Variants in PLEC observed in about 807,000 individuals in gnomAD.
PLEC encodes hemidesmosomal protein 1.
PLEC carries 216 observed loss-of-function variants against 392.8 expected under a neutral mutation model. The ratio of observed to expected loss-of-function variants is 0.55; its 90% confidence interval spans 0.49 to 0.62. The LOEUF (loss-of-function observed/expected upper bound fraction) is 0.62, where lower values mean the gene tolerates loss of function less well. Ranked by LOEUF, PLEC falls within the 20% of genes least tolerant of loss-of-function variation. The pLI, the probability that PLEC is intolerant of heterozygous loss-of-function variation, is 0.00. For missense variants in PLEC, 6,863 were observed against 6,563.4 expected (o/e 1.05, Z -1.58); for synonymous variants, 3,621 against 2,980.6 (o/e 1.21, Z -7.00).
At chr8:143,942,748 G>C (rs541470067), upstream of PLEC, among the ~76,000 whole-genome samples, 21 of 152,376 alleles carry the variant, frequency 1.4e-4, no homozygotes, top group African/African-American at 4.6e-4. Flanking sequence ...CCCACGGGCC[G>C]GGCTGGGAGG....
In PLEC at chr8:143,932,688, C is replaced by G. The variant is rs782357722; in HGVS notation, c.1762G>C (p.Gly588Arg). 2.4e-5 allele frequency: 39 copies of G among 1,608,770 alleles called. No homozygotes were observed. Among genetic ancestry groups the G allele is most frequent in the Non-Finnish European group, 3.0e-5 (35 of 1,178,332 alleles). The change falls in exon 15 of 32, where the codon GGT becomes CGT. Residue 588 changes from glycine (G) to arginine (R), a missense_variant. Coordinates refer to ENST00000345136, the MANE Select transcript of PLEC (RefSeq NM_201384.3). ...DEGQLSPATR[G>R]AYRDCLGRLD... ...CGACCCAGGCAGTCACGGTAGGCAC[C>G]CCGGGTGGCGGGGGAGAGCTGGCCC...
chr8:143,917,047 G>C lies in PLEC; in HGVS notation c.12774C>G (p.Ile4258Met). ...SSVGSSSSYP[I>M]SPAVSRTQLA... ...GCTGGGTCCTGGAGACGGCGGGGCT[G>C]ATGGGGTAGGAGGAGGAGGATCCCA... Residue 4258 changes from isoleucine (I) to methionine (M), a missense_variant, in exon 32 of 32, where the codon ATC becomes ATG. By Grantham distance (10) the Ile-to-Met change is conservative (BLOSUM62 1). Coordinates refer to ENST00000345136, the MANE Select transcript of PLEC (RefSeq NM_201384.3). 1 of 1,609,928 alleles carries C rather than the reference G, an allele frequency of 6.2e-7. No individual in the cohort carries two copies. Among genetic ancestry groups the C allele is most frequent in the Non-Finnish European group, 8.5e-7 (1 of 1,177,492 alleles).
At chr8:143,933,947 C>A (rs1554719797) in intron 12 of PLEC, 51 bp downstream of exon 12, 1 of 1,501,070 alleles carries the variant, frequency 6.7e-7, no homozygotes, top group South Asian at 1.2e-5. Flanking sequence ...CAGGGCGGGG[C>A]AGGCTCCTCC....
Position 143,934,411 on chromosome 8 carries a change from G to C in PLEC, c.1076C>G (p.Pro359Arg), listed in dbSNP as rs1042165847. ...CTCCACATCCAGCGGGTGGTAGCCA[G>C]GGGGCACCTTGAGCTGGCCTGCTTG... Reference protein sequence around the residue: ...AVQAGQLKVPPGYHPLDVEKE... With the variant: ...AVQAGQLKVPRGYHPLDVEKE... Residue 359 changes from proline (P) to arginine (R), a missense_variant, in exon 11 of 32, where the codon CCT becomes CGT. Pro to Arg is a moderately radical substitution (Grantham distance 103). Coordinates refer to ENST00000345136, the MANE Select transcript of PLEC (RefSeq NM_201384.3). 6.2e-7 allele frequency: 1 copy of C among 1,610,636 alleles called. No individual in the cohort carries two copies. Among genetic ancestry groups the C allele is most frequent in the South Asian group, 1.1e-5 (1 of 91,030 alleles).
chr8:143,933,905 A>C, intron 12 of PLEC, 93 bp downstream of exon 12: 2 of 1,115,250 alleles, frequency 1.8e-6, no homozygotes, highest in African/African-American at 1.6e-5. Flanking sequence ...CCAGGAGCCC[A>C]GGGGGACAGC....
At position 143,920,367 on chromosome 8, in the gene PLEC, C is replaced by T. The variant is rs781854050; in HGVS notation, c.9454G>A (p.Val3152Met). 2.2e-5 allele frequency: 35 copies of T among 1,592,876 alleles called. No homozygotes were observed. The highest frequency in any genetic ancestry group is 1.3e-4 in the South Asian group (12 of 90,114). ...GIVDPSKSHR[V>M]PLDVACARGC... ...CGGGCGCAGGCGACATCCAGGGGCA[C>T]GCGGTGGCTCTTGCTGGGGTCCACG... is the stretch of plus-strand genomic sequence containing the variant. The change falls in exon 32 of 32, where the codon GTG becomes ATG. Residue 3152 changes from valine (V) to methionine (M), a missense_variant. Physicochemically the swap from Val to Met is conservative, Grantham distance 21. Transcript: ENST00000345136.
At chr8:143,957,763 C>T (rs1554739613), upstream of PLEC, among the ~76,000 whole-genome samples, 1 of 152,242 alleles carries the variant, frequency 6.6e-6, no homozygotes, top group Admixed American at 6.5e-5. Context: ...CACCACCACC[C>T]TGCCTGCCCT....
At position 143,918,876 on chromosome 8, in the gene PLEC, C is replaced by G; in HGVS notation, c.10945G>C (p.Ala3649Pro). 1 of 1,612,702 alleles carries G rather than the reference C, an allele frequency of 6.2e-7. No homozygotes were observed. The highest frequency in any genetic ancestry group is 8.5e-7 in the Non-Finnish European group (1 of 1,180,034). The change falls in exon 32 of 32, where the codon GCT (alanine) becomes CCT (proline). Residue 3649 changes from alanine (A) to proline (P), a missense_variant. Coordinates refer to ENST00000345136, the MANE Select transcript of PLEC (RefSeq NM_201384.3). ...ATCCGAGCCTCGAACAGGTCCTCAG[C>G]CGTGAGGCGGCGGCGCACGTAGTCG... ...SYDYVRRRLT[A>P]EDLFEARIIS... is the part of the protein sequence containing the mutation.
At chr8:143,963,232 A>G (rs1324827227) in intron 1 of PLEC, among the ~76,000 whole-genome samples, 1 of 152,232 alleles carries the variant, frequency 6.6e-6, no homozygotes, top group Non-Finnish European at 1.5e-5. Context: ...GGCTTCTGAG[A>G]GTCTACAGGC....
At chr8:143,938,086 G>A (rs1325957372) in intron 3 of PLEC, 65 bp downstream of exon 3, 3 of 1,185,886 alleles carry the variant, frequency 2.5e-6, no homozygotes, top group Non-Finnish European at 3.7e-6. Context: ...GCCCCAAGGA[G>A]GGAAGGCAGG....
Position 143,973,214 on chromosome 8 carries a change from C to T in PLEC, c.70+189G>A, listed in dbSNP as rs904422499. Among the ~76,000 whole-genome samples, 3 of 151,756 alleles carry T rather than the reference C, an allele frequency of 2.0e-5. No homozygotes were observed. The highest frequency in any genetic ancestry group is 4.8e-5 in the African/African-American group (2 of 41,370). Reference sequence around the variant, plus strand: ...CGATGCCCTATTAAGGGCATGGCCTCGGGGGCTCAGCGGAGCGAGTCCTCC... The same window carrying T: ...CGATGCCCTATTAAGGGCATGGCCTTGGGGGCTCAGCGGAGCGAGTCCTCC... On this transcript the variant is annotated intron_variant, in intron 1 of 31. Coordinates refer to the PLEC transcript ENST00000356346. The surrounding 1 kb of genome is among the most constrained non-coding windows in gnomAD (Gnocchi z 5.6).
chr8:143,950,455 C>T, exon 1 of PLEC: 1 of 1,605,460 alleles, frequency 6.2e-7, no homozygotes, highest in Non-Finnish European at 8.5e-7. Context: ...GGTGCAGGTA[C>T]TGGCGGAGGT....
In PLEC at chr8:143,921,032, G is replaced by A. The variant is rs369553188; in HGVS notation, c.8789C>T (p.Ser2930Leu). 4.1e-5 allele frequency: 66 copies of A among 1,612,734 alleles called. 1 individual carries two copies. Among genetic ancestry groups the A allele is most frequent in the African/African-American group, 1.3e-4 (10 of 74,940 alleles). ...KTVTIWEIIN[S>L]EYFTAEQRRD... is the part of the protein sequence containing the mutation. The stretch of plus-strand genomic sequence containing the variant: ...CCGCTGCTCTGCCGTGAAGTATTCC[G>A]AGTTGATGATCTCCCAAATGGTCAC... Residue 2930 changes from serine (S) to leucine (L), a missense_variant, in exon 32 of 32, where the codon TCG becomes TTG. Physicochemically the swap from Ser to Leu is moderately radical, Grantham distance 145. Coordinates refer to ENST00000345136, the MANE Select transcript of PLEC (RefSeq NM_201384.3).
Position 143,932,566 on chromosome 8 carries a change from G to A in PLEC, c.1816-5C>T, listed in dbSNP as rs1554717426. The A allele has an allele frequency of 5.0e-6, 8 of 1,612,488 alleles. No individual in the cohort carries two copies. The highest frequency in any genetic ancestry group is 2.2e-5 in the East Asian group (1 of 44,864). On this transcript the variant is annotated splice_polypyrimidine_tract_variant and splice_region_variant and intron_variant, in intron 15 of 31. Coordinates refer to ENST00000345136, the MANE Select transcript of PLEC (RefSeq NM_201384.3). ...GAGGCGGGCCTTGGAGGAGTTCTGT[G>A]GGCAGGAGGGTGCGTGTCAGCAGGC...
intron 25 of PLEC, among the ~76,000 whole-genome samples, chr8:143,928,368 G>A (rs72693398): frequency 0.3 from 45,989 of 152,234 alleles, 8,642 homozygotes; most frequent in Non-Finnish European, 0.41. Flanking sequence ...GGGGACACCG[G>A]GGTGGAAATG....
Position 143,926,817 on chromosome 8 carries a change from G to A in PLEC, c.4011C>T (p.Ile1337=), listed in dbSNP as rs2131567993. Reference sequence around the variant, plus strand: ...CCTCCATGCGCCGCAGAGTCTCGCTGATGAACTTGATGTACTGGCTCGTCA... The same window carrying A: ...CCTCCATGCGCCGCAGAGTCTCGCTAATGAACTTGATGTACTGGCTCGTCA... ...TTLTSQYIKF[I]SETLRRMEEE... is the part of the protein sequence containing the mutation. Residue 1337 remains isoleucine, a synonymous_variant, in exon 30 of 32, where the codon ATC becomes ATT. Coordinates refer to ENST00000345136, the MANE Select transcript of PLEC (RefSeq NM_201384.3). 6.2e-7 allele frequency: 1 copy of A among 1,613,892 alleles called. No individual in the cohort carries two copies. The highest frequency in any genetic ancestry group is 8.5e-7 in the Non-Finnish European group (1 of 1,179,974).
At position 143,922,290 on chromosome 8, in the gene PLEC, G is replaced by A. The variant is rs1057517938; in HGVS notation, c.7531C>T (p.Gln2511Ter). The change falls in exon 32 of 32, where the codon CAG becomes TAG. Residue 2511 changes from glutamine to a stop codon, truncating the protein, a stop_gained. Transcript: ENST00000345136. LOFTEE classifies it low-confidence loss of function (END_TRUNC). ...AGCTGCTCCAGCTTGGCCTTCTCCT[G>A]CTCGATGAAGCGCTCCCGCTGTAGC... ...SLLQRERFIE[Q>*]EKAKLEQLFQ... is the part of the protein sequence containing the mutation. 1.2e-6 allele frequency: 2 copies of A among 1,606,804 alleles called. No homozygotes were observed. Among genetic ancestry groups the A allele is most frequent in the South Asian group, 1.1e-5 (1 of 90,848 alleles).
At position 143,927,259 on chromosome 8, in the gene PLEC, G is replaced by C. The variant is rs782444749; in HGVS notation, c.3833C>G (p.Ala1278Gly). 3 of 1,613,020 alleles carry C rather than the reference G, an allele frequency of 1.9e-6. No homozygotes were observed. Among genetic ancestry groups the C allele is most frequent in the African/African-American group, 1.3e-5 (1 of 74,944 alleles). The change falls in exon 28 of 32, where the codon GCC (alanine) becomes GGC (glycine). Residue 1278 changes from alanine (A) to glycine (G), a missense_variant. Transcript: ENST00000345136. ...CAGGCGGCTGGGCCTCACCTTGATG[G>C]CGTTGATGTACTGTTTCGCAAACCT... The part of the protein sequence containing the change: ...CQRFAKQYIN[A>G]IKDYELQLVT...
intron 1 of PLEC, among the ~76,000 whole-genome samples, chr8:143,959,622 G>A (rs1244339299): frequency 6.6e-6 from 1 of 152,280 alleles, no homozygotes; most frequent in Non-Finnish European, 1.5e-5. Context: ...TGCTGGGCAG[G>A]TGGGAGGAGT....
Sources: allele counts gnomAD v4.1 joint callset (sites outside exome capture counted in the v4.1 genomes callset), GRCh38; gene constraint gnomAD v4.1.1; non-coding constraint Gnocchi (gnomAD v3.1); transcripts MANE v1.5; gene names NCBI Gene and HGNC (gene_info 2026-07-23, HGNC 2026-07-21).